ARHGAP18: variants seen among roughly 807,000 people sequenced by gnomAD.
The protein encoded by ARHGAP18 is rho GTPase-activating protein 18.
A neutral mutation model predicts 86.2 loss-of-function variants in ARHGAP18; 67 were observed. The ratio of observed to expected loss-of-function variants is 0.78; its 90% CI spans 0.64 to 0.95. The LOEUF (loss-of-function observed/expected upper bound fraction) is 0.95. ARHGAP18 is among the 40% of genes least tolerant of loss of function. ARHGAP18 has a pLI of 0.00. For missense variants in ARHGAP18, 691 were observed against 780.4 expected (o/e 0.89, Z 1.37); for synonymous variants, 283 against 280.4 (o/e 1.01, Z -0.09).
At chr6:129,670,588 T>G (rs1055248371) in intron 1 of ARHGAP18, among the ~76,000 whole-genome samples, 4 of 152,204 alleles carry the variant, frequency 2.6e-5, no homozygotes, top group Non-Finnish European at 5.9e-5. Context: ...GAAGGCTACG[T>G]TGGTGGACAG....
chr6:129,605,657 T>C (rs3829756), intron 10 of ARHGAP18, among the ~76,000 whole-genome samples: 19,383 of 152,068 alleles, frequency 0.13, 1,336 homozygotes, highest in Admixed American at 0.18. Flanking sequence ...GAAGAAATGT[T>C]ACAGTGAAAA....
chr6:129,668,481 A>C (rs4379317), intron 1 of ARHGAP18, among the ~76,000 whole-genome samples: 2 of 151,604 alleles, frequency 1.3e-5, no homozygotes, highest in African/African-American at 2.4e-5. Context: ...TTTCTAAACC[A>C]TAAGTCAGTC....
chr6:129,601,574 G>A (rs1400099997), intron 10 of ARHGAP18, among the ~76,000 whole-genome samples: 3 of 151,628 alleles, frequency 2.0e-5, no homozygotes. Flanking sequence ...AAAGAGAGGT[G>A]AGGGAATATT....
chr6:129,578,466 GA>G lies in ARHGAP18; in HGVS notation c.*46del, dbSNP rs753113679. The stretch of plus-strand genomic sequence containing the variant: ...TTTATTTACACTCTTGACTCAGCAA[GA>G]ATTATGACAGAAGTCCACATGGTTA... On this transcript the variant is annotated 3_prime_UTR_variant, in exon 15 of 15. Coordinates refer to ENST00000368149, the MANE Select transcript of ARHGAP18 (RefSeq NM_033515.3). 1 of 1,480,498 alleles carries G rather than the reference GA, an allele frequency of 6.8e-7. No homozygotes were observed. The allele number at this position is 1,480,498 out of a possible 1,614,324, so 91.7% of individuals were successfully genotyped here.
chr6:129,594,728 C>T (rs1788582038), intron 12 of ARHGAP18, among the ~76,000 whole-genome samples: 1 of 152,168 alleles, frequency 6.6e-6, no homozygotes, highest in Admixed American at 6.6e-5. Flanking sequence ...CCTTCTTCTT[C>T]CACATTCTTC....
intron 12 of ARHGAP18, among the ~76,000 whole-genome samples, chr6:129,585,292 T>TAAATAAATAAAAATAAAATA: frequency 6.6e-6 from 1 of 151,684 alleles, no homozygotes; most frequent in South Asian, 2.1e-4. Flanking sequence ...CAAAAATAAA[T>TAAATAAATAAAAATAAAATA]AAATAAATAA....
At chr6:129,646,403 G>A (rs1773580502) in intron 1 of ARHGAP18, among the ~76,000 whole-genome samples, 1 of 152,090 alleles carries the variant, frequency 6.6e-6, no homozygotes, top group African/African-American at 2.4e-5. Context: ...TGTTTAATAA[G>A]GTCTAGAGGA....
chr6:129,709,990 G>A (rs1554345623), intron 1 of ARHGAP18, 34 bp downstream of exon 1: 3 of 1,539,044 alleles, frequency 1.9e-6, no homozygotes, highest in Non-Finnish European at 2.7e-6. Context: ...CAGGTAAGAG[G>A]GTTTTGTTTT....
intron 5 of ARHGAP18, among the ~76,000 whole-genome samples, chr6:129,620,596 C>A (rs1414403609): frequency 6.6e-6 from 1 of 152,198 alleles, no homozygotes; most frequent in African/African-American, 2.4e-5. Flanking sequence ...TAAAACTGAT[C>A]ATTCTCTTAC....
chr6:129,647,237 A>G (rs1159842047), intron 1 of ARHGAP18, among the ~76,000 whole-genome samples: 1 of 152,146 alleles, frequency 6.6e-6, no homozygotes, highest in Non-Finnish European at 1.5e-5. Context: ...TTTGGCCAGT[A>G]TATTTGAAAA....
At chr6:129,702,881 T>A (rs537941921) in intron 1 of ARHGAP18, among the ~76,000 whole-genome samples, 62 of 152,230 alleles carry the variant, frequency 4.1e-4, no homozygotes, top group African/African-American at 1.5e-3. Context: ...ACGCCTGTAA[T>A]CCCAGCTACT....
chr6:129,655,036 C>T (rs1562712669), intron 1 of ARHGAP18, among the ~76,000 whole-genome samples: 1 of 152,116 alleles, frequency 6.6e-6, no homozygotes, highest in Non-Finnish European at 1.5e-5. Flanking sequence ...AAAGGAGAGG[C>T]TCGGCCGGGT....
At chr6:129,638,819 T>C (rs773997873) in intron 2 of ARHGAP18, among the ~76,000 whole-genome samples, 190 bp from the exon 3 acceptor site, 5 of 152,248 alleles carry the variant, frequency 3.3e-5, no homozygotes, top group Non-Finnish European at 5.9e-5. Context: ...ATTGATTTCA[T>C]ATATACTCAA....
chr6:129,606,008 T>C, intron 9 of ARHGAP18, 49 bp from the exon 10 acceptor site: 1 of 1,551,488 alleles, frequency 6.4e-7, no homozygotes, highest in Non-Finnish European at 8.9e-7. Flanking sequence ...GTGAACATTT[T>C]CCTTTACTTT....
At position 129,625,804 on chromosome 6, in the gene ARHGAP18, T is replaced by C. The variant is rs1280413546; in HGVS notation, c.786+3549A>G. Among the ~76,000 whole-genome samples, 6 of 70,860 alleles carry C rather than the reference T, an allele frequency of 8.5e-5. 1 individual carries two copies. The highest frequency in any genetic ancestry group is 1.5e-4 in the Non-Finnish European group (6 of 38,922). The allele number at this position is 70,860 out of a possible 152,430, so 46.5% of individuals were successfully genotyped here. Reference sequence around the variant, plus strand: ...ATATATAATATATATTTTTATATTATATATTATATATTTATATATTATATA... The same window carrying C: ...ATATATAATATATATTTTTATATTACATATTATATATTTATATATTATATA... On this transcript the variant is annotated intron_variant, in intron 5 of 14. Transcript: ENST00000368149.
intron 1 of ARHGAP18, among the ~76,000 whole-genome samples, chr6:129,707,503 C>T (rs985776413): frequency 2.0e-5 from 3 of 152,100 alleles, no homozygotes; most frequent in African/African-American, 4.8e-5. Flanking sequence ...GGGTCTCACT[C>T]CCTCACCCAG....
chr6:129,669,509 GGCGCGGTGGCTCATGCC>G (rs1219412742), intron 1 of ARHGAP18, among the ~76,000 whole-genome samples: 5 of 149,950 alleles, frequency 3.3e-5, no homozygotes, highest in Non-Finnish European at 7.4e-5. Context: ...AAATAGGCCA[GGCGCGGTGGCTCATGCC>G]TGTAATCCCA....
At chr6:129,630,838 C>T (rs1373215055) in intron 4 of ARHGAP18, among the ~76,000 whole-genome samples, 2 of 152,138 alleles carry the variant, frequency 1.3e-5, no homozygotes, top group East Asian at 3.9e-4. Context: ...CAGTTTGTCC[C>T]TGACCTTGCA....
Position 129,676,915 on chromosome 6 carries a change from C to CTTTTTTTTTTTTTTT in ARHGAP18, c.113+33094_113+33108dup, listed in dbSNP as rs10688716. Among the ~76,000 whole-genome samples, 63 of 37,984 alleles carry CTTTTTTTTTTTTTTT rather than the reference C, an allele frequency of 1.7e-3. 2 individuals carry two copies. Among genetic ancestry groups the CTTTTTTTTTTTTTTT allele is most frequent in the African/African-American group, 4.0e-3 (58 of 14,512 alleles). 24.9% of individuals were successfully genotyped at this position (37,984 alleles called of 152,430 possible). A position where few individuals can be genotyped will look rare whatever the true frequency, so the allele number is the denominator to read the frequency against. On this transcript the variant is annotated intron_variant, in intron 1 of 14. Coordinates refer to ENST00000368149, the MANE Select transcript of ARHGAP18 (RefSeq NM_033515.3). ...AAACAGATGAAAAATTTTTTGTCCTCTTTTTTTTTTTTTTTTTTTTTTTTT... is the reference window on the plus strand; with the variant it reads ...AAACAGATGAAAAATTTTTTGTCCTCTTTTTTTTTTTTTTTTTTTTTTTTTTTTTTTTTTTTTTTT...
Sources: gnomAD v4.1 joint callset for allele counts (sites outside exome capture counted in the v4.1 genomes callset) on GRCh38, gnomAD v4.1.1 for gene constraint, MANE v1.5 for transcripts, NCBI Gene and HGNC (gene_info 2026-07-23, HGNC 2026-07-21) for gene names.